HECTD4: variants seen among roughly 807,000 people sequenced by gnomAD.
The protein encoded by HECTD4 is probable E3 ubiquitin-protein ligase HECTD4.
A neutral mutation model predicts 471.5 loss-of-function variants in HECTD4; 114 were observed. The observed-to-expected ratio is 0.24, with a 90% confidence interval of 0.21 to 0.28. HECTD4 has a LOEUF of 0.28. HECTD4 is among the 10% of genes least tolerant of loss of function. The pLI, the probability that HECTD4 is intolerant of heterozygous loss-of-function variation, is 1.00. For missense variants in HECTD4, 3,866 were observed against 5,651.5 expected (o/e 0.68, Z 10.13); for synonymous variants, 2,012 against 2,256.0 (o/e 0.89, Z 3.07).
intron 1 of HECTD4, among the ~76,000 whole-genome samples, chr12:112,344,941 G>A (rs1188614141): frequency 6.6e-6 from 1 of 151,588 alleles, no homozygotes; most frequent in Non-Finnish European, 1.5e-5. Context: ...GAGAAGAGAA[G>A]AGAAGAGAGA....
intron 8 of HECTD4, among the ~76,000 whole-genome samples, chr12:112,280,784 C>CT (rs569956040): frequency 0.027 from 3,096 of 115,230 alleles, 101 homozygotes; most frequent in African/African-American, 0.068. Context: ...GGAATAAAAA[C>CT]TTTTTTTTTT....
chr12:112,296,628 G>A (rs1192232768), intron 7 of HECTD4, among the ~76,000 whole-genome samples: 2 of 151,604 alleles, frequency 1.3e-5, no homozygotes. Flanking sequence ...TTGGATGTAG[G>A]TGCAAAGGGT....
chr12:112,291,562 C>A (rs756515722), intron 7 of HECTD4, among the ~76,000 whole-genome samples: 1 of 151,256 alleles, frequency 6.6e-6, no homozygotes, highest in African/African-American at 2.5e-5. Flanking sequence ...ATAGTGAGAC[C>A]CCCCCATCTT....
intron 18 of HECTD4, 80 bp from the exon 19 acceptor site, chr12:112,259,345 C>G: frequency 6.8e-7 from 1 of 1,462,420 alleles, no homozygotes; most frequent in Non-Finnish European, 9.4e-7. Context: ...CTTTATCTGA[C>G]AATTTCTCCT....
At chr12:112,265,091 G>T in intron 16 of HECTD4, 84 bp downstream of exon 16, 1 of 1,270,994 alleles carries the variant, frequency 7.9e-7, no homozygotes, top group Non-Finnish European at 1.1e-6. Context: ...AAGTCTGTAT[G>T]TATACACACA....
chr12:112,194,056 A>C lies in HECTD4; in HGVS notation c.8750-382T>G, dbSNP rs1324606564. On this transcript the variant is annotated intron_variant, in intron 56 of 75. Transcript: ENST00000682272. The surrounding 1 kb of genome is among the most constrained non-coding windows in gnomAD (Gnocchi z 4.6). ...ACCTTAGGGCACAGCCTGTAGAGAAACTTGTTAGATCATCAGGGCAAAGCT... is the reference window on the plus strand; with the variant it reads ...ACCTTAGGGCACAGCCTGTAGAGAACCTTGTTAGATCATCAGGGCAAAGCT... Among the ~76,000 whole-genome samples, 1 of 152,190 alleles carries C rather than the reference A, an allele frequency of 6.6e-6. No homozygotes were observed. The highest frequency in any genetic ancestry group is 1.9e-4 in the East Asian group (1 of 5,196).
At chr12:112,253,943 C>T (rs1566088501) in intron 22 of HECTD4, 100 bp downstream of exon 22, 1 of 1,342,876 alleles carries the variant, frequency 7.4e-7, no homozygotes, top group Non-Finnish European at 1.0e-6. Flanking sequence ...CAAAAGCCCC[C>T]AGGGCAAATG....
chr12:112,227,952 G>A (rs368994164), intron 43 of HECTD4, 137 bp downstream of exon 43: 3 of 730,384 alleles, frequency 4.1e-6, no homozygotes, highest in African/African-American at 3.6e-5. Context: ...GTAAAAGAAT[G>A]GTTACTGTTG....
intron 55 of HECTD4, among the ~76,000 whole-genome samples, chr12:112,195,832 G>A (rs186669588): frequency 1.2e-3 from 179 of 152,194 alleles, no homozygotes; most frequent in African/African-American, 3.9e-3. Flanking sequence ...TAAAGTGATC[G>A]GCATTCAACT....
At chr12:112,176,470 C>T in intron 65 of HECTD4, 126 bp downstream of exon 65, 1 of 671,176 alleles carries the variant, frequency 1.5e-6, no homozygotes, top group Non-Finnish European at 2.7e-6. Flanking sequence ...ACCCAGAGCC[C>T]AGAGCAGAGG....
Position 112,283,308 on chromosome 12 carries a change from A to G in HECTD4, c.1336-6T>C, listed in dbSNP as rs2034681624. On this transcript the variant is annotated splice_region_variant and splice_polypyrimidine_tract_variant and intron_variant, in intron 7 of 75. Coordinates refer to ENST00000682272, the MANE Select transcript of HECTD4 (RefSeq NM_001388303.1). ...ACAAATACACCATTTTCAACCTAAC[A>G]TAGAAAAAAAGGAGGTCCTAAAATG... 6.3e-7 allele frequency: 1 copy of G among 1,599,530 alleles called. No homozygotes were observed. Among genetic ancestry groups the G allele is most frequent in the Non-Finnish European group, 8.5e-7 (1 of 1,171,308 alleles).
chr12:112,330,309 A>G (rs2035823776), intron 1 of HECTD4, among the ~76,000 whole-genome samples: 1 of 152,022 alleles, frequency 6.6e-6, no homozygotes, highest in South Asian at 2.1e-4. Context: ...ATAGGACTAA[A>G]CTCTTCAAAA....
At chr12:112,379,338 C>G (rs551420714) in intron 1 of HECTD4, among the ~76,000 whole-genome samples, 7 of 152,312 alleles carry the variant, frequency 4.6e-5, no homozygotes, top group African/African-American at 1.7e-4. Flanking sequence ...TTGTTAGGCT[C>G]TTTTGAGAAT....
chr12:112,335,032 T>C (rs2035922491), intron 1 of HECTD4, among the ~76,000 whole-genome samples: 1 of 152,186 alleles, frequency 6.6e-6, no homozygotes, highest in Admixed American at 6.5e-5. Context: ...GAAGTCATTA[T>C]ACAAAAAAGA....
At chr12:112,312,456 A>G (rs1279809920) in intron 4 of HECTD4, among the ~76,000 whole-genome samples, 1 of 152,194 alleles carries the variant, frequency 6.6e-6, no homozygotes, top group South Asian at 2.1e-4. Context: ...CCATCTGCCA[A>G]GTCAGTTAAG....
Position 112,212,552 on chromosome 12 carries a change from G to T in HECTD4, c.7564C>A (p.Arg2522Ser). The change falls in exon 49 of 76, where the codon CGC becomes AGC. Residue 2522 changes from arginine (R) to serine (S), a missense_variant. Physicochemically the swap from Arg to Ser is moderately radical, Grantham distance 110. This residue lies in a region of HECTD4 where 617 missense variants were observed against 915.1 expected (regional missense o/e 0.67). Coordinates refer to ENST00000682272, the MANE Select transcript of HECTD4 (RefSeq NM_001388303.1). ...GRVYFTYCGQ[R>S]LSPYLEDVSG... ...ACGTCTTCAAGATATGGTGAGAGGC[G>T]CTGCCCGCAGTATGTGAAGTACACC... 6.2e-7 allele frequency: 1 copy of T among 1,613,680 alleles called. No homozygotes were observed. The highest frequency in any genetic ancestry group is 2.2e-5 in the East Asian group (1 of 44,880).
At chr12:112,209,472 A>G (rs2032697848) in intron 50 of HECTD4, among the ~76,000 whole-genome samples, 1 of 152,002 alleles carries the variant, frequency 6.6e-6, no homozygotes, top group African/African-American at 2.4e-5. Flanking sequence ...GATTACAGGC[A>G]CACGCCACCA....
intron 20 of HECTD4, among the ~76,000 whole-genome samples, chr12:112,257,704 G>C (rs73423239): frequency 0.041 from 6,235 of 152,246 alleles, 281 homozygotes; most frequent in African/African-American, 0.11. Flanking sequence ...TCCATTGTAT[G>C]ACTATATCAC....
chr12:112,163,667 A>C lies in HECTD4; in HGVS notation c.12772T>G (p.Cys4258Gly). ...AGGCCGGCCCGCACGGCCGTCACGCACTCCACATTCTGCAGCTCCCGCAGC... is the reference window on the plus strand; with the variant it reads ...AGGCCGGCCCGCACGGCCGTCACGCCCTCCACATTCTGCAGCTCCCGCAGC... The part of the protein sequence containing the change: ...LRLRELQNVE[C>G]VTAVRAGLGS... The change falls in exon 74 of 76, where the codon TGC (cysteine) becomes GGC (glycine). Residue 4258 changes from cysteine to glycine, a missense_variant. This residue lies in a region of HECTD4 where 715 missense variants were observed against 1,087.6 expected (regional missense o/e 0.66). Coordinates refer to ENST00000682272, the MANE Select transcript of HECTD4 (RefSeq NM_001388303.1). The surrounding 1 kb of genome is among the most constrained non-coding windows in gnomAD (Gnocchi z 8.2). The C allele has an allele frequency of 6.5e-7, 1 of 1,533,860 alleles. No homozygotes were observed. The highest frequency in any genetic ancestry group is 8.8e-7 in the Non-Finnish European group (1 of 1,140,000).
Sources: gnomAD v4.1 joint callset for allele counts (sites outside exome capture counted in the v4.1 genomes callset) on GRCh38, gnomAD v4.1.1 for gene constraint, gnomAD v4.1.1 regional missense constraint, Gnocchi (gnomAD v3.1) non-coding constraint, MANE v1.5 for transcripts, NCBI Gene and HGNC (gene_info 2026-07-23, HGNC 2026-07-21) for gene names.